SLC44A5: variants seen among roughly 807,000 people sequenced by gnomAD.
The protein encoded by SLC44A5 is choline transporter-like protein 5.
In SLC44A5, 57 loss-of-function variants were observed where a neutral mutation model predicts 101.8. The observed-to-expected ratio is 0.56, with a 90% CI of 0.45 to 0.70. SLC44A5 has a LOEUF of 0.70. Among genes scored for constraint, SLC44A5 ranks in the 30% least tolerant of loss-of-function variants. SLC44A5 has a pLI of 0.00. For missense variants in SLC44A5, 737 were observed against 853.1 expected (o/e 0.86, Z 1.70); for synonymous variants, 281 against 290.9 (o/e 0.97, Z 0.35).
chr1:75,434,615 T>A lies in SLC44A5; in HGVS notation c.14-37994A>T, dbSNP rs142572028. The stretch of plus-strand genomic sequence containing the variant: ...TGCTGCAGAATAAAGGGAAAACTCC[T>A]TCATGTGACACTCAGTCTGCTGTGG... On this transcript the variant is annotated intron_variant, in intron 2 of 23. Coordinates refer to ENST00000370859, the MANE Select transcript of SLC44A5 (RefSeq NM_001130058.2). Among the ~76,000 whole-genome samples the A allele has an allele frequency of 4.2e-3, 646 of 152,242 alleles. 5 individuals are homozygous for A. The Middle Eastern group carries it at 0.051, about 12-fold the overall frequency.
At chr1:75,408,984 A>G (rs181923155) in intron 2 of SLC44A5, among the ~76,000 whole-genome samples, 2 of 152,326 alleles carry the variant, frequency 1.3e-5, no homozygotes, top group East Asian at 3.9e-4. Flanking sequence ...GGGGATGAAA[A>G]TAAAAGGTGA....
chr1:75,308,392 T>G (rs1424661398), intron 4 of SLC44A5, among the ~76,000 whole-genome samples: 1 of 120,818 alleles, frequency 8.3e-6, no homozygotes. Context: ...TGAAACCTGA[T>G]TTTTTTTTTT....
intron 1 of SLC44A5, among the ~76,000 whole-genome samples, chr1:75,552,201 C>T (rs569496729): frequency 6.6e-6 from 1 of 152,224 alleles, no homozygotes; most frequent in East Asian, 1.9e-4. Flanking sequence ...AGTCAGCAAA[C>T]GTGCCTCACC....
intron 6 of SLC44A5, among the ~76,000 whole-genome samples, chr1:75,266,279 C>G (rs139437226): frequency 3.3e-5 from 5 of 151,596 alleles, no homozygotes; most frequent in African/African-American, 1.2e-4. Flanking sequence ...AAATTTCTTA[C>G]ACATCCTAAC....
the SLC44A5 span, chr1:75,641,995 ATC>A: frequency 6.7e-7 from 1 of 1,499,772 alleles, no homozygotes; most frequent in Non-Finnish European, 9.3e-7. Flanking sequence ...CCTCCTCATC[ATC>A]TTCATCTGCA....
At chr1:75,326,318 T>C (rs113635166) in intron 4 of SLC44A5, among the ~76,000 whole-genome samples, 24 of 151,852 alleles carry the variant, frequency 1.6e-4, no homozygotes, top group African/African-American at 5.6e-4. Flanking sequence ...AATACTCATC[T>C]TGCCCACCTT....
intron 4 of SLC44A5, among the ~76,000 whole-genome samples, chr1:75,304,311 TGTG>T (rs1449103845): frequency 2.6e-4 from 7 of 26,894 alleles, no homozygotes; most frequent in African/African-American, 1.0e-3. Flanking sequence ...TGTGTGTGTG[TGTG>T]TGTGTGTGTG....
intron 2 of SLC44A5, among the ~76,000 whole-genome samples, chr1:75,457,071 C>G (rs1316073647): frequency 6.6e-6 from 1 of 152,144 alleles, no homozygotes; most frequent in Non-Finnish European, 1.5e-5. Context: ...GTTTGCTAAG[C>G]CTCTTGCCCG....
At chr1:75,412,833 A>G (rs1378340878) in intron 2 of SLC44A5, among the ~76,000 whole-genome samples, 1 of 152,148 alleles carries the variant, frequency 6.6e-6, no homozygotes, top group Non-Finnish European at 1.5e-5. Flanking sequence ...CAACCCACTC[A>G]TTAGTCATCA....
At chr1:75,528,431 C>T (rs1670541979) in intron 2 of SLC44A5, among the ~76,000 whole-genome samples, 1 of 152,088 alleles carries the variant, frequency 6.6e-6, no homozygotes, top group African/African-American at 2.4e-5. Flanking sequence ...ACAGTATAAA[C>T]ACATGGATTT....
At chr1:75,235,646 T>C (rs1648008159) in intron 11 of SLC44A5, among the ~76,000 whole-genome samples, 1 of 152,026 alleles carries the variant, frequency 6.6e-6, no homozygotes, top group African/African-American at 2.4e-5. Context: ...GTGATCTAAT[T>C]TTACAGCTCT....
At chr1:75,661,522 CTA>C in the SLC44A5 span, among the ~76,000 whole-genome samples, 3 of 150,920 alleles carry the variant, frequency 2.0e-5, no homozygotes, top group Non-Finnish European at 4.4e-5. Context: ...TCACATCTAC[CTA>C]AAAAGCTTCA....
chr1:75,560,349 T>C (rs1338288280), intron 1 of SLC44A5, among the ~76,000 whole-genome samples: 1 of 152,078 alleles, frequency 6.6e-6, no homozygotes, highest in Middle Eastern at 3.2e-3. Flanking sequence ...ATTTAGCCAC[T>C]AAAAGTCTGA....
chr1:75,715,936 T>A, the SLC44A5 span, among the ~76,000 whole-genome samples: 1 of 152,102 alleles, frequency 6.6e-6, no homozygotes, highest in Non-Finnish European at 1.5e-5. Context: ...ATATCTAGAA[T>A]CTATAAGGAA....
the SLC44A5 span, among the ~76,000 whole-genome samples, chr1:75,672,106 C>CTT: frequency 1.1e-4 from 17 of 152,106 alleles, no homozygotes; most frequent in Non-Finnish European, 2.2e-4. Flanking sequence ...ATAGTGCCTG[C>CTT]TTTTTGTTTC....
intron 2 of SLC44A5, among the ~76,000 whole-genome samples, chr1:75,535,188 A>G (rs550879707): frequency 1.3e-5 from 2 of 152,046 alleles, no homozygotes; most frequent in Admixed American, 6.6e-5. Flanking sequence ...CACAGAGTTA[A>G]TCCATTTTAG....
At chr1:75,655,321 C>T in the SLC44A5 span, among the ~76,000 whole-genome samples, 1 of 152,112 alleles carries the variant, frequency 6.6e-6, no homozygotes, top group Non-Finnish European at 1.5e-5. Context: ...ATAAATAAAG[C>T]TATGCAGCAC....
At chr1:75,369,982 C>T (rs1277411071) in intron 3 of SLC44A5, among the ~76,000 whole-genome samples, 6 of 152,202 alleles carry the variant, frequency 3.9e-5, no homozygotes, top group East Asian at 1.9e-4. Context: ...GAAGGTTCTA[C>T]GCCATCAAGA....
intron 5 of SLC44A5, among the ~76,000 whole-genome samples, chr1:75,275,925 A>G (rs1651879839): frequency 6.6e-6 from 1 of 152,046 alleles, no homozygotes; most frequent in Admixed American, 6.6e-5. Flanking sequence ...GCTTCCTTTA[A>G]CATTTGCCCA....
Sources: gnomAD v4.1 joint callset for allele counts (sites outside exome capture counted in the v4.1 genomes callset) on GRCh38, gnomAD v4.1.1 for gene constraint, MANE v1.5 for transcripts, NCBI Gene and HGNC (gene_info 2026-07-23, HGNC 2026-07-21) for gene names.